The following SLCO1B3 variants were observed in gnomAD, a reference collection of about 807,000 sequenced individuals.
SLCO1B3 encodes solute carrier organic anion transporter family member 1B3.
Under a neutral mutation model 71.8 loss-of-function variants are expected in SLCO1B3, and 72 were observed. That is an observed-to-expected ratio of 1.00 (90% CI 0.83 to 1.22). The LOEUF (loss-of-function observed/expected upper bound fraction) is 1.22. Among genes scored for constraint, SLCO1B3 ranks in the 50% most tolerant of loss-of-function variants. The pLI is 0.00. For synonymous variants in SLCO1B3, 298 were observed against 278.4 expected (o/e 1.07, Z -0.70); for missense variants, 911 against 819.7 (o/e 1.11, Z -1.36).
intron 3 of SLCO1B3, among the ~76,000 whole-genome samples, chr12:20,825,153 A>G (rs1591745074): frequency 6.6e-6 from 1 of 152,090 alleles, no homozygotes; most frequent in East Asian, 1.9e-4. Flanking sequence ...TGTTTTTTTA[A>G]ATTAAAAAGT....
intron 3 of SLCO1B3, among the ~76,000 whole-genome samples, chr12:20,833,283 A>G (rs1210686883): frequency 6.6e-6 from 1 of 152,038 alleles, no homozygotes. Flanking sequence ...TCTCCTTGCC[A>G]TGTTACCTAA....
chr12:20,845,783 T>G (rs1864905401), intron 3 of SLCO1B3, among the ~76,000 whole-genome samples: 1 of 152,114 alleles, frequency 6.6e-6, no homozygotes, highest in African/African-American at 2.4e-5. Flanking sequence ...TGACTTTCTC[T>G]CTAGATCATC....
chr12:20,813,113 TATTTATATACACTCGC>T (rs1434259950), intron 1 of SLCO1B3, among the ~76,000 whole-genome samples: 3 of 152,224 alleles, frequency 2.0e-5, no homozygotes, highest in African/African-American at 2.4e-5. Context: ...TTCATGAGTG[TATTTATATACACTCGC>T]ATATACATAA....
chr12:20,910,449 T>C (rs1297478461), intron 15 of SLCO1B3, among the ~76,000 whole-genome samples: 1 of 152,182 alleles, frequency 6.6e-6, no homozygotes, highest in Non-Finnish European at 1.5e-5. Context: ...TTTTGCCTCT[T>C]CACATAAACT....
rs1197891206 is a variant in SLCO1B3, at chr12:20,916,340, TAA to T, written c.*94_*95del. On this transcript the variant is annotated 3_prime_UTR_variant, in exon 16 of 16. Coordinates refer to ENST00000381545, the MANE Select transcript of SLCO1B3 (RefSeq NM_019844.4). ...TCTTTACTTACAGTGGACCAATGGA[TAA>T]GTCTATGCATCTATAATAAACTATA... The T allele has an allele frequency of 2.3e-5, 27 of 1,192,496 alleles. No homozygotes were observed. Among genetic ancestry groups the T allele is most frequent in the East Asian group, 2.1e-4 (9 of 42,594 alleles). The allele number at this position is 1,192,496 out of a possible 1,614,324, so 73.9% of individuals were successfully genotyped here. A position where few individuals can be genotyped will look rare whatever the true frequency, so the allele number is the denominator to read the frequency against.
At chr12:20,856,113 G>A (rs934841800) in intron 4 of SLCO1B3, among the ~76,000 whole-genome samples, 2 of 152,138 alleles carry the variant, frequency 1.3e-5, no homozygotes, top group African/African-American at 4.8e-5. Flanking sequence ...AAATCATCTA[G>A]AATTTTAGAA....
Position 20,880,967 on chromosome 12 carries a change from C to G in SLCO1B3, c.1444C>G (p.Leu482Val). The change falls in exon 12 of 16, where the codon CTG becomes GTG. Residue 482 changes from leucine (L) to valine (V), a missense_variant. By Grantham distance (32) the Leu-to-Val change is conservative (BLOSUM62 1). Transcript: ENST00000381545. ...PVCGNNGITY[L>V]SPCLAGCKSS... ...CTGTGGGAACAATGGAATAACTTAC[C>G]TGTCACCTTGTCTAGCAGGATGCAA... 2.5e-6 allele frequency: 4 copies of G among 1,612,438 alleles called. No individual in the cohort carries two copies. Among genetic ancestry groups the G allele is most frequent in the Non-Finnish European group, 3.4e-6 (4 of 1,178,716 alleles).
intron 3 of SLCO1B3, among the ~76,000 whole-genome samples, chr12:20,841,495 A>G (rs1864800964): frequency 1.0e-5 from 1 of 100,282 alleles, no homozygotes. Context: ...GTTTTCTACC[A>G]TTGCCTGCCA....
At chr12:20,881,235 A>C (rs933532916) in intron 12 of SLCO1B3, among the ~76,000 whole-genome samples, 4 of 152,124 alleles carry the variant, frequency 2.6e-5, no homozygotes, top group Admixed American at 2.6e-4. Context: ...CTGTTACTTG[A>C]ATTCTAATTA....
chr12:20,879,359 T>A (rs1865644830), intron 10 of SLCO1B3, 77 bp from the exon 11 acceptor site: 1 of 1,075,546 alleles, frequency 9.3e-7, no homozygotes, highest in Non-Finnish European at 1.4e-6. Flanking sequence ...TGATATACAC[T>A]GTGTTTTATA....
At chr12:20,844,279 A>G (rs954821125) in intron 3 of SLCO1B3, among the ~76,000 whole-genome samples, 1 of 152,068 alleles carries the variant, frequency 6.6e-6, no homozygotes, top group Non-Finnish European at 1.5e-5. Flanking sequence ...TTTAAATAAA[A>G]TTTCTGGCCA....
chr12:20,819,388 T>C (rs535854440), intron 3 of SLCO1B3, among the ~76,000 whole-genome samples: 1 of 152,302 alleles, frequency 6.6e-6, no homozygotes, highest in African/African-American at 2.4e-5. Context: ...CTTGTGGCAG[T>C]GCAGCCCAGG....
At chr12:20,834,938 T>C (rs1038930932) in intron 3 of SLCO1B3, among the ~76,000 whole-genome samples, 1 of 152,188 alleles carries the variant, frequency 6.6e-6, no homozygotes, top group Admixed American at 6.5e-5. Context: ...AATTTCTCCA[T>C]GAGGGCTTCA....
chr12:20,836,080 A>G (rs997395740), intron 3 of SLCO1B3, among the ~76,000 whole-genome samples: 1 of 152,198 alleles, frequency 6.6e-6, no homozygotes, highest in Non-Finnish European at 1.5e-5. Flanking sequence ...GCACTTTATA[A>G]AATAATCAGA....
In SLCO1B3 at chr12:20,916,173, C is replaced by T. The variant is rs748331222; in HGVS notation, c.2035C>T (p.His679Tyr). Reference sequence around the variant, plus strand: ...CTTAGAATTCTTAAATAATGGTGAACATTTTGTACCTTCTGCTGGAACAGA... The same window carrying T: ...CTTAGAATTCTTAAATAATGGTGAATATTTTGTACCTTCTGCTGGAACAGA... Reference protein sequence around the residue: ...ANLEFLNNGEHFVPSAGTDSK... With the variant: ...ANLEFLNNGEYFVPSAGTDSK... The change falls in exon 16 of 16, where the codon CAT (histidine) becomes TAT (tyrosine). Residue 679 changes from histidine to tyrosine, a missense_variant. Physicochemically the swap from His to Tyr is moderately conservative, Grantham distance 83. Coordinates refer to ENST00000381545, the MANE Select transcript of SLCO1B3 (RefSeq NM_019844.4). The T allele has an allele frequency of 2.2e-5, 35 of 1,611,962 alleles. No individual in the cohort carries two copies. The highest frequency in any genetic ancestry group is 2.9e-5 in the Non-Finnish European group (34 of 1,178,300).
At chr12:20,869,958 A>G (rs1294678199) in intron 8 of SLCO1B3, among the ~76,000 whole-genome samples, 3 of 152,184 alleles carry the variant, frequency 2.0e-5, no homozygotes, top group East Asian at 3.9e-4. Context: ...CCAACAGTGT[A>G]TAAGTGTTCA....
In SLCO1B3 at chr12:20,880,848, T is replaced by C; in HGVS notation, c.1332-7T>C. On this transcript the variant is annotated splice_polypyrimidine_tract_variant and splice_region_variant and intron_variant, in intron 11 of 15. Transcript: ENST00000381545. ...TTTTTTGATATATTTCTATCATATA[T>C]TTTCAGAAATAATTCAGTGGCATCT... The C allele has an allele frequency of 1.3e-6, 2 of 1,564,938 alleles. No individual in the cohort carries two copies. The highest frequency in any genetic ancestry group is 3.5e-5 in the Admixed American group (2 of 57,328).
At chr12:20,863,087 A>G (rs570718944) in intron 8 of SLCO1B3, among the ~76,000 whole-genome samples, 42 of 152,344 alleles carry the variant, frequency 2.8e-4, no homozygotes, top group Admixed American at 2.5e-3. Flanking sequence ...ATTTTAGATT[A>G]CTTGATCCAA....
intron 13 of SLCO1B3, among the ~76,000 whole-genome samples, chr12:20,886,460 G>A (rs1246451988): frequency 6.6e-6 from 1 of 152,014 alleles, no homozygotes; most frequent in Non-Finnish European, 1.5e-5. Context: ...ATAATAGAAG[G>A]AGAGGACACT....
Sources: allele counts gnomAD v4.1 joint callset (sites outside exome capture counted in the v4.1 genomes callset), GRCh38; gene constraint gnomAD v4.1.1; transcripts MANE v1.5; gene names NCBI Gene and HGNC (gene_info 2026-07-23, HGNC 2026-07-21).